Variants in NALCN observed in about 807,000 individuals in gnomAD.
NALCN encodes the protein sodium leak channel NALCN.
NALCN carries 111 observed loss-of-function variants against 225.3 expected under a neutral mutation model. The observed-to-expected ratio is 0.49, with a 90% CI of 0.42 to 0.58. The LOEUF is 0.58. NALCN is among the 20% of genes least tolerant of loss of function. The probability of loss-of-function intolerance (pLI) is 0.00; values close to 1 mark genes in which losing one functional copy is unlikely to be tolerated. For missense variants in NALCN, 1,378 were observed against 2,202.4 expected (o/e 0.63, Z 7.49); for synonymous variants, 764 against 769.0 (o/e 0.99, Z 0.11).
At position 101,258,924 on chromosome 13, in the gene NALCN, C is replaced by A. The variant is rs114668736; in HGVS notation, c.1135-350G>T. On this transcript the variant is annotated intron_variant, in intron 10 of 43. Transcript: ENST00000251127. ...AATGGCTTTTAAAAAGCTAGTAACA[C>A]AAAACAAGTATTTCTTTATTCTGTG... 1.7e-3 allele frequency among the ~76,000 whole-genome samples: 260 copies of A among 152,250 alleles called. 1 individual carries two copies. The highest frequency in any genetic ancestry group is 6.8e-3 in the Middle Eastern group (2 of 294).
At chr13:101,169,182 A>G (rs17582396) in intron 15 of NALCN, among the ~76,000 whole-genome samples, 36,742 of 152,040 alleles carry the variant, frequency 0.24, 5,223 homozygotes, top group Non-Finnish European at 0.32. Flanking sequence ...ACATGTCCCT[A>G]GCCCCAACAC....
At chr13:101,302,655 A>G (rs2044013391) in intron 7 of NALCN, among the ~76,000 whole-genome samples, 1 of 152,204 alleles carries the variant, frequency 6.6e-6, no homozygotes, top group Non-Finnish European at 1.5e-5. Context: ...GATGTGTTCT[A>G]ATATCATTTG....
At chr13:101,346,057 T>TTCTCTCTCTCTCTCTCTCTCTCTC (rs767899309) in intron 6 of NALCN, among the ~76,000 whole-genome samples, 39 of 75,504 alleles carry the variant, frequency 5.2e-4, no homozygotes, top group East Asian at 7.4e-4. Context: ...TTGAGAGACT[T>TTCTCTCTCTCTCTCTCTCTCTCTC]TCTCTCTCTC....
intron 40 of NALCN, among the ~76,000 whole-genome samples, chr13:101,063,608 A>C (rs2032134789): frequency 1.3e-5 from 2 of 152,220 alleles, no homozygotes; most frequent in Admixed American, 6.5e-5. Context: ...ATTCACATGC[A>C]TTTCTCCGTC....
intron 15 of NALCN, among the ~76,000 whole-genome samples, chr13:101,162,378 G>A (rs955362449): frequency 6.6e-6 from 1 of 152,144 alleles, no homozygotes; most frequent in African/African-American, 2.4e-5. Flanking sequence ...CAGATTGTGA[G>A]GATGCTTCCA....
intron 18 of NALCN, among the ~76,000 whole-genome samples, chr13:101,122,140 C>T (rs894755063): frequency 1.1e-4 from 17 of 151,952 alleles, no homozygotes; most frequent in Admixed American, 2.0e-4. Flanking sequence ...ACTATTACTA[C>T]GATTAGTGGT....
chr13:101,232,693 G>T (rs2041399121), intron 12 of NALCN, among the ~76,000 whole-genome samples: 1 of 151,970 alleles, frequency 6.6e-6, no homozygotes, highest in Non-Finnish European at 1.5e-5. Context: ...TGATCCGCCT[G>T]CCTCGGCCTC....
rs552684257 is a variant in NALCN at position 101,327,075 on chromosome 13, G to A, written c.799+18191C>T. On this transcript the variant is annotated intron_variant, in intron 7 of 43. Transcript: ENST00000251127. ...TTATAGGCATCAGATTTAAGGGGAG[G>A]AAAAATACATTCCACTTCTTGGTGG... 4.6e-5 allele frequency among the ~76,000 whole-genome samples: 7 copies of A among 152,148 alleles called. No homozygotes were observed. In the East Asian group the frequency reaches 1.4e-3, roughly 29 times the overall value.
At chr13:101,299,281 G>T (rs956820679) in intron 7 of NALCN, among the ~76,000 whole-genome samples, 1 of 152,092 alleles carries the variant, frequency 6.6e-6, no homozygotes, top group Middle Eastern at 3.2e-3. Flanking sequence ...CTCTGCTTGC[G>T]GAATAAGCCA....
intron 37 of NALCN, among the ~76,000 whole-genome samples, chr13:101,071,074 C>T (rs2032847785): frequency 6.6e-6 from 1 of 152,150 alleles, no homozygotes; most frequent in Admixed American, 6.5e-5. Context: ...ATGGAAGAAA[C>T]CACCCCCATG....
At chr13:101,213,111 G>T (rs1276360223) in intron 13 of NALCN, among the ~76,000 whole-genome samples, 1 of 152,082 alleles carries the variant, frequency 6.6e-6, no homozygotes, top group African/African-American at 2.4e-5. Flanking sequence ...ATAGACCAAT[G>T]GAATAGAACA....
At chr13:101,339,115 T>C (rs550833883) in intron 7 of NALCN, among the ~76,000 whole-genome samples, 5 of 152,300 alleles carry the variant, frequency 3.3e-5, no homozygotes, top group Non-Finnish European at 5.9e-5. Flanking sequence ...AAGTAGGAAC[T>C]GAAAGTGGGG....
chr13:101,087,459 G>T (rs1403539433), intron 30 of NALCN, among the ~76,000 whole-genome samples: 1 of 148,872 alleles, frequency 6.7e-6, no homozygotes, highest in Non-Finnish European at 1.5e-5. Flanking sequence ...CTGTTAGATG[G>T]CAGCTCATGA....
chr13:101,070,063 G>GTTTTTTTTTTTT lies in NALCN; in HGVS notation c.4198-1248_4198-1237dup, dbSNP rs71121162. 4.4e-4 allele frequency among the ~76,000 whole-genome samples: 43 copies of GTTTTTTTTTTTT among 98,302 alleles called. 2 individuals carry two copies. The highest frequency in any genetic ancestry group is 9.5e-4 in the East Asian group (3 of 3,144). 64.5% of individuals were successfully genotyped at this position (98,302 alleles called of 152,430 possible). On this transcript the variant is annotated intron_variant, in intron 37 of 43. Transcript: ENST00000251127. ...TGACCTCCTTCCATGAATCATGAAT[G>GTTTTTTTTTTTT]TTTTTTTTTTTTTTTTTTTTTGAGA...
Position 101,379,703 on chromosome 13 carries a change from C to T in NALCN, c.292-1050G>A, listed in dbSNP as rs549526480. 5.3e-4 allele frequency among the ~76,000 whole-genome samples: 81 copies of T among 152,098 alleles called. 1 individual carries two copies. The highest frequency in any genetic ancestry group is 9.7e-4 in the Non-Finnish European group (66 of 67,978). ...GACACAGGGAGGGGAACATCACACA[C>T]GGGCCTGTCAAGAGGTGGGGGGCTA... is the stretch of plus-strand genomic sequence containing the variant. On this transcript the variant is annotated intron_variant, in intron 3 of 43. Coordinates refer to ENST00000251127, the MANE Select transcript of NALCN (RefSeq NM_052867.4).
intron 20 of NALCN, among the ~76,000 whole-genome samples, chr13:101,109,187 G>A (rs181901706): frequency 3.2e-4 from 49 of 152,232 alleles, no homozygotes; most frequent in South Asian, 1.4e-3. Flanking sequence ...AATGTTCTCC[G>A]TGCAATATGG....
At chr13:101,315,065 A>T (rs558970) in intron 7 of NALCN, among the ~76,000 whole-genome samples, 2 of 151,986 alleles carry the variant, frequency 1.3e-5, no homozygotes, top group Admixed American at 6.5e-5. Flanking sequence ...ACAAAAATAA[A>T]TAATCATTAT....
chr13:101,208,701 G>A (rs1031989387), intron 13 of NALCN, among the ~76,000 whole-genome samples: 12 of 152,178 alleles, frequency 7.9e-5, no homozygotes, highest in Non-Finnish European at 1.5e-4. Context: ...CTATGATAAC[G>A]AGTGAGCTCT....
At chr13:101,258,326 G>A in intron 11 of NALCN, 117 bp downstream of exon 11, 1 of 1,401,324 alleles carries the variant, frequency 7.1e-7, no homozygotes, top group East Asian at 2.5e-5. Flanking sequence ...CAATGATTCA[G>A]CTTTGGTGAA....
Sources: gnomAD v4.1 joint callset for allele counts (sites outside exome capture counted in the v4.1 genomes callset) on GRCh38, gnomAD v4.1.1 for gene constraint, MANE v1.5 for transcripts, NCBI Gene and HGNC (gene_info 2026-07-23, HGNC 2026-07-21) for gene names.